Variants in SNPH observed in about 807,000 individuals in gnomAD.
The protein encoded by SNPH is syntaphilin.
SNPH carries 10 observed loss-of-function variants against 36.8 expected under a neutral mutation model. The observed-to-expected ratio is 0.27, with a 90% CI of 0.17 to 0.46. The LOEUF (loss-of-function observed/expected upper bound fraction) is 0.46, where lower values mean the gene tolerates loss of function less well. Ranked by LOEUF, SNPH falls within the 20% of genes least tolerant of loss-of-function variation. SNPH has a pLI of 1.00. For missense variants in SNPH, 622 were observed against 744.0 expected, an observed-to-expected ratio of 0.84 and a Z score of 1.91; for synonymous variants, 281 against 312.2, an observed-to-expected ratio of 0.90 and a Z score of 1.05.
chr20:1,306,077 G>A lies in SNPH; in HGVS notation c.*23G>A, dbSNP rs562337095. 258 of 1,419,154 alleles carry A rather than the reference G, an allele frequency of 1.8e-4. 2 individuals carry two copies. In the African/African-American group the frequency reaches 3.2e-3, roughly 17 times the overall value. The allele number at this position is 1,419,154 out of a possible 1,614,324, so 87.9% of individuals were successfully genotyped here. On this transcript the variant is annotated 3_prime_UTR_variant, in exon 7 of 7. Coordinates refer to ENST00000381867, the MANE Select transcript of SNPH (RefSeq NM_001318234.2). ...TGAGGGGGCCCATTCTGGCAGCGGC[G>A]CCTGCGGCCTGACCACTGATTGTAG... is the stretch of plus-strand genomic sequence containing the variant.
rs1461489771 is a variant in SNPH, at chr20:1,306,051, C to G, written c.1614C>G (p.Leu538=). The part of the protein sequence containing the change: ...SPSPAGGGSQ[L] ...GCCCAGCGGGCGGCGGCTCCCAGCTCTGAGGGGGCCCATTCTGGCAGCGGC... is the reference window on the plus strand; with the variant it reads ...GCCCAGCGGGCGGCGGCTCCCAGCTGTGAGGGGGCCCATTCTGGCAGCGGC... The change falls in exon 7 of 7, where the codon CTC becomes CTG. Residue 538 remains leucine, a synonymous_variant. Coordinates refer to ENST00000381867, the MANE Select transcript of SNPH (RefSeq NM_001318234.2). 1 of 1,454,584 alleles carries G rather than the reference C, an allele frequency of 6.9e-7. No individual in the cohort carries two copies. The highest frequency in any genetic ancestry group is 9.0e-7 in the Non-Finnish European group (1 of 1,105,746). The allele number at this position is 1,454,584 out of a possible 1,614,324, so 90.1% of individuals were successfully genotyped here. A position where few individuals can be genotyped will look rare whatever the true frequency, so the allele number is the denominator to read the frequency against.
rs2088424541 is a variant in SNPH, at chr20:1,295,942, C to T, written c.-298C>T. ...GGTGTGTGGGTCTGAGTATCAGGGT[C>T]CTGGGGAAGAAGCAGGCCTGGCTCG... On this transcript the variant is annotated 5_prime_UTR_variant, in exon 4 of 7. Coordinates refer to ENST00000381867, the MANE Select transcript of SNPH (RefSeq NM_001318234.2). 1.6e-5 allele frequency: 6 copies of T among 366,920 alleles called. No individual in the cohort carries two copies. Among genetic ancestry groups the T allele is most frequent in the Non-Finnish European group, 2.9e-5 (6 of 206,472 alleles). The allele number at this position is 366,920 out of a possible 1,614,324, so 22.7% of individuals were successfully genotyped here.
intron 6 of SNPH, among the ~76,000 whole-genome samples, chr20:1,302,561 G>A (rs907923157): frequency 4.4e-5 from 6 of 137,532 alleles, no homozygotes; most frequent in East Asian, 2.2e-4. Context: ...AGCAATCACC[G>A]CCAATTTCTA....
chr20:1,280,980 C>T (rs2088210659), intron 2 of SNPH, among the ~76,000 whole-genome samples: 1 of 152,182 alleles, frequency 6.6e-6, no homozygotes, highest in African/African-American at 2.4e-5. Context: ...CAGGCCAGAA[C>T]TGTCTCTGCA....
In SNPH at chr20:1,279,615, C is replaced by CTTTTTTTTTTTTT. The variant is rs1259483361; in HGVS notation, c.-493+12857_-493+12858insTTTTTTTTTTTTT. 1.3e-3 allele frequency among the ~76,000 whole-genome samples: 147 copies of CTTTTTTTTTTTTT among 111,630 alleles called. 10 individuals carry two copies. Among genetic ancestry groups the CTTTTTTTTTTTTT allele is most frequent in the African/African-American group, 4.3e-3 (142 of 32,882 alleles). 73.2% of individuals were successfully genotyped at this position (111,630 alleles called of 152,430 possible). ...AGACTGGTTTCCTGAGAGACTCCGG[C>CTTTTTTTTTTTTT]TTCTTTTTTTTTTTTTTTTTTTGAG... On this transcript the variant is annotated intron_variant, in intron 2 of 6. Coordinates refer to ENST00000381867, the MANE Select transcript of SNPH (RefSeq NM_001318234.2).
chr20:1,301,121 C>G (rs766770994), intron 6 of SNPH, among the ~76,000 whole-genome samples: 1 of 152,328 alleles, frequency 6.6e-6, no homozygotes, highest in East Asian at 1.9e-4. Flanking sequence ...TATCCTTCCT[C>G]GCTTCCTCCT....
intron 2 of SNPH, among the ~76,000 whole-genome samples, chr20:1,280,511 G>A (rs986234077): frequency 6.6e-6 from 1 of 152,238 alleles, no homozygotes; most frequent in East Asian, 1.9e-4. Context: ...GGCTGACAAG[G>A]CAGAGGTCGG....
At chr20:1,300,185 T>C (rs2088487754) in intron 5 of SNPH, among the ~76,000 whole-genome samples, 1 of 152,126 alleles carries the variant, frequency 6.6e-6, no homozygotes, top group Non-Finnish European at 1.5e-5. Flanking sequence ...AGAGCTAACC[T>C]CTCTGAGGCC....
Position 1,304,773 on chromosome 20 carries a change from C to A in SNPH, c.441-105C>A. On this transcript the variant is annotated intron_variant, in intron 6 of 6. Transcript: ENST00000381867. This position sits in a 1 kb window ranked among gnomAD's most constrained non-coding sequence, Gnocchi z 4.3. ...TTTTGGGTTCTGAGCCACAGCAGCA[C>A]AGGGCCCTTCATCCTTGGCAACAGT... The A allele has an allele frequency of 9.4e-7, 1 of 1,062,170 alleles. No homozygotes were observed. The highest frequency in any genetic ancestry group is 1.4e-6 in the Non-Finnish European group (1 of 715,474). 65.8% of individuals were successfully genotyped at this position (1,062,170 alleles called of 1,614,324 possible).
In SNPH at chr20:1,296,034, C is replaced by G; in HGVS notation, c.-206C>G. 2 of 492,086 alleles carry G rather than the reference C, an allele frequency of 4.1e-6. No homozygotes were observed. Among genetic ancestry groups the G allele is most frequent in the South Asian group, 3.7e-5 (1 of 27,034 alleles). 30.5% of individuals were successfully genotyped at this position (492,086 alleles called of 1,614,324 possible). A position where few individuals can be genotyped will look rare whatever the true frequency, so the allele number is the denominator to read the frequency against. The stretch of plus-strand genomic sequence containing the variant: ...CCTGAAGCCTCTGTGACCTTGGGCA[C>G]GGCCTTCACTCTGTCTGGGGCACAT... On this transcript the variant is annotated 5_prime_UTR_variant, in exon 4 of 7. Transcript: ENST00000381867.
At chr20:1,288,067 G>T (rs548495336) in intron 2 of SNPH, among the ~76,000 whole-genome samples, 1 of 152,344 alleles carries the variant, frequency 6.6e-6, no homozygotes, top group African/African-American at 2.4e-5. Context: ...CAGACGGGAG[G>T]CCTGCCAGAC....
chr20:1,297,353 G>A (rs1033464320), intron 5 of SNPH, 101 bp downstream of exon 5: 1 of 1,066,184 alleles, frequency 9.4e-7, no homozygotes, highest in Middle Eastern at 2.1e-4. Context: ...AACCACCCCT[G>A]ACGCCAGCAT....
At chr20:1,273,967 C>G (rs1315023153) in intron 2 of SNPH, among the ~76,000 whole-genome samples, 1 of 152,164 alleles carries the variant, frequency 6.6e-6, no homozygotes, top group Non-Finnish European at 1.5e-5. Context: ...GTTCTTCCCT[C>G]TAAGCCATAC....
intron 2 of SNPH, among the ~76,000 whole-genome samples, chr20:1,282,946 C>T (rs67542792): frequency 0.24 from 36,682 of 152,072 alleles, 4,777 homozygotes; most frequent in South Asian, 0.37. Flanking sequence ...TGCCTGCTCT[C>T]GGGAAAGGGG....
In SNPH at chr20:1,306,220, G is replaced by A; in HGVS notation, c.*166G>A. 1 of 579,754 alleles carries A rather than the reference G, an allele frequency of 1.7e-6. No homozygotes were observed. The allele number at this position is 579,754 out of a possible 1,614,324, so 35.9% of individuals were successfully genotyped here. Reference sequence around the variant, plus strand: ...CAGTCCCGTGGAAGGAGCAGGGGTTGGAGAAAGGCATCCCAAAGCTTCGAT... The same window carrying A: ...CAGTCCCGTGGAAGGAGCAGGGGTTAGAGAAAGGCATCCCAAAGCTTCGAT... On this transcript the variant is annotated 3_prime_UTR_variant, in exon 7 of 7. Coordinates refer to ENST00000381867, the MANE Select transcript of SNPH (RefSeq NM_001318234.2).
Position 1,266,641 on chromosome 20 carries a change from C to T in SNPH, c.-599-13C>T. 1 of 1,486,694 alleles carries T rather than the reference C, an allele frequency of 6.7e-7. No individual in the cohort carries two copies. Among genetic ancestry groups the T allele is most frequent in the Non-Finnish European group, 8.9e-7 (1 of 1,121,046 alleles). 92.1% of individuals were successfully genotyped at this position (1,486,694 alleles called of 1,614,324 possible). A position where few individuals can be genotyped will look rare whatever the true frequency, so the allele number is the denominator to read the frequency against. On this transcript the variant is annotated splice_polypyrimidine_tract_variant and intron_variant, in intron 1 of 6. Coordinates refer to ENST00000381867, the MANE Select transcript of SNPH (RefSeq NM_001318234.2). This position sits in a 1 kb window ranked among gnomAD's most constrained non-coding sequence, Gnocchi z 6.0. ...CACCCGCCCCGGTCTATCTCTTTTT[C>T]CTAACCCCGCAGGTCGCTGATCAGG... is the stretch of plus-strand genomic sequence containing the variant.
chr20:1,266,473 A>T lies in SNPH; in HGVS notation c.-600+76A>T. The T allele has an allele frequency of 1.2e-6, 1 of 867,476 alleles. No homozygotes were observed. The highest frequency in any genetic ancestry group is 1.6e-6 in the Non-Finnish European group (1 of 620,086). The allele number at this position is 867,476 out of a possible 1,614,324, so 53.7% of individuals were successfully genotyped here. On this transcript the variant is annotated intron_variant, in intron 1 of 6. Coordinates refer to ENST00000381867, the MANE Select transcript of SNPH (RefSeq NM_001318234.2). This position sits in a 1 kb window ranked among gnomAD's most constrained non-coding sequence, Gnocchi z 6.0. ...GCCGCAGTCCAGAGTGCCGAGTGCC[A>T]GGGGGTGGGGTGGGGGCCGCGGGCC...
rs1172850659 is a variant in SNPH at position 1,296,296 on chromosome 20, G to A, written c.57G>A (p.Ala19=). ...RMTWPGPALS[A]GPPTRPLSSA... is the part of the protein sequence containing the mutation. Reference sequence around the variant, plus strand: ...CGTGGCCTGGCCCGGCCCTTTCTGCGGGCCCCCCAACCCGCCCTCTCTCCT... The same window carrying A: ...CGTGGCCTGGCCCGGCCCTTTCTGCAGGCCCCCCAACCCGCCCTCTCTCCT... The change falls in exon 4 of 7, where the codon GCG becomes GCA. Residue 19 remains alanine, a synonymous_variant. Coordinates refer to ENST00000381867, the MANE Select transcript of SNPH (RefSeq NM_001318234.2). 18 of 1,575,976 alleles carry A rather than the reference G, an allele frequency of 1.1e-5. No homozygotes were observed. The highest frequency in any genetic ancestry group is 9.7e-5 in the African/African-American group (7 of 72,530).
intron 2 of SNPH, among the ~76,000 whole-genome samples, chr20:1,282,609 C>T (rs909612492): frequency 2.0e-5 from 3 of 152,206 alleles, no homozygotes; most frequent in Non-Finnish European, 4.4e-5. Context: ...TGGGTATGTA[C>T]TACTTTTACA....
Sources: gnomAD v4.1 joint callset for allele counts (sites outside exome capture counted in the v4.1 genomes callset) on GRCh38, gnomAD v4.1.1 for gene constraint, Gnocchi (gnomAD v3.1) non-coding constraint, MANE v1.5 for transcripts, NCBI Gene and HGNC (gene_info 2026-07-23, HGNC 2026-07-21) for gene names.